MAOB: variants seen among roughly 807,000 people sequenced by gnomAD.
MAOB encodes amine oxidase [flavin-containing] B.
MAOB carries 15 observed loss-of-function variants against 41.9 expected under a neutral mutation model. The observed-to-expected ratio is 0.36, with a 90% CI of 0.24 to 0.55. The LOEUF is 0.55. Among genes scored for constraint, MAOB ranks in the 20% least tolerant of loss-of-function variants. The pLI is 0.86. For synonymous variants in MAOB, 167 were observed against 144.2 expected (o/e 1.16, Z -1.13); for missense variants, 345 against 398.7 (o/e 0.87, Z 1.15).
intron 3 of MAOB, among the ~76,000 whole-genome samples, chrX:43,811,020 A>G (rs2034739927): frequency 8.9e-6 from 1 of 112,193 alleles, no homozygotes; most frequent in South Asian, 3.7e-4. Flanking sequence ...TTTTTAAAGC[A>G]GACTTTCTGA....
chrX:43,815,579 G>C (rs1456460549), intron 3 of MAOB, among the ~76,000 whole-genome samples: 2 of 111,925 alleles, frequency 1.8e-5, no homozygotes, highest in Non-Finnish European at 3.8e-5. Flanking sequence ...CTGAAAATTT[G>C]TTGCAAACCA....
chrX:43,832,988 T>C (rs1046552960), intron 3 of MAOB, among the ~76,000 whole-genome samples: 47 of 110,805 alleles, frequency 4.2e-4, no homozygotes, highest in African/African-American at 1.5e-3. Flanking sequence ...AGAGTATAAG[T>C]TTGGCAAGAA....
chrX:43,829,493 G>C (rs1468807921), intron 3 of MAOB, among the ~76,000 whole-genome samples: 1 of 112,214 alleles, frequency 8.9e-6, no homozygotes, highest in Non-Finnish European at 1.9e-5. Context: ...AGTGTTCAAA[G>C]CATTCTCTTA....
chrX:43,852,910 ACCATGAAGGCAAGGAAGAGGTT>A (rs2147171806), intron 1 of MAOB, among the ~76,000 whole-genome samples: 1 of 111,641 alleles, frequency 9.0e-6, no homozygotes, highest in East Asian at 2.8e-4. Flanking sequence ...CAGAAGAGGC[ACCATGAAGGCAAGGAAGAGGTT>A]AACTACAGAT....
chrX:43,857,616 C>G (rs1294713652), intron 1 of MAOB, among the ~76,000 whole-genome samples: 2 of 111,565 alleles, frequency 1.8e-5, no homozygotes, highest in African/African-American at 6.5e-5. Flanking sequence ...AAAGACCCTG[C>G]CAATATGGCT....
chrX:43,781,528 C>A lies in MAOB; in HGVS notation c.945G>T (p.Met315Ile). Residue 315 changes from methionine (M) to isoleucine (I), a missense_variant, in exon 9 of 15, where the codon ATG becomes ATT. Transcript: ENST00000378069. ...FWRKKDYCGT[M>I]IIDGEEAPVA... The stretch of plus-strand genomic sequence containing the variant: ...CTGGAGCTTCTTCTCCATCAATAAT[C>A]ATGGTTCCACAGTAATCTTAGAGAA... The A allele has an allele frequency of 2.6e-6, 3 of 1,173,865 alleles. No individual in the cohort carries two copies. The highest frequency in any genetic ancestry group is 3.5e-6 in the Non-Finnish European group (3 of 864,813).
At chrX:43,829,221 GAA>G (rs1301123254) in intron 3 of MAOB, among the ~76,000 whole-genome samples, 1 of 112,213 alleles carries the variant, frequency 8.9e-6, no homozygotes, top group Non-Finnish European at 1.9e-5. Context: ...GCTAAAAGAT[GAA>G]AAGAGTAAAT....
At chrX:43,821,528 A>T (rs974416875) in intron 3 of MAOB, among the ~76,000 whole-genome samples, 1 of 111,768 alleles carries the variant, frequency 8.9e-6, no homozygotes, top group African/African-American at 3.3e-5. Flanking sequence ...GTATAAAGTA[A>T]TGAGAAGATG....
intron 5 of MAOB, among the ~76,000 whole-genome samples, chrX:43,801,029 T>C (rs935869632): frequency 1.8e-5 from 2 of 110,162 alleles, no homozygotes; most frequent in African/African-American, 6.6e-5. Flanking sequence ...ACTATTGGGC[T>C]TTCAGATCCT....
chrX:43,774,507 G>T (rs926974891), intron 12 of MAOB, among the ~76,000 whole-genome samples: 1 of 111,673 alleles, frequency 9.0e-6, no homozygotes, highest in Non-Finnish European at 1.9e-5. Flanking sequence ...ACTGATTATT[G>T]CTCACTTTTC....
chrX:43,807,398 A>T (rs895848808), intron 3 of MAOB, among the ~76,000 whole-genome samples: 1 of 112,290 alleles, frequency 8.9e-6, no homozygotes, highest in Non-Finnish European at 1.9e-5. Flanking sequence ...GATTAGCATA[A>T]ACAGTTGGGT....
At position 43,781,554 on chromosome X, in the gene MAOB, C is replaced by G. The variant is rs780315446; in HGVS notation, c.929-10G>C. On this transcript the variant is annotated splice_polypyrimidine_tract_variant and intron_variant, in intron 8 of 14. Coordinates refer to ENST00000378069, the MANE Select transcript of MAOB (RefSeq NM_000898.5). Reference sequence around the variant, plus strand: ...ATGGTTCCACAGTAATCTTAGAGAACAGCAAAATGGAAGAGCATATTCATC... The same window carrying G: ...ATGGTTCCACAGTAATCTTAGAGAAGAGCAAAATGGAAGAGCATATTCATC... The G allele has an allele frequency of 9.1e-6, 9 of 992,844 alleles. No individual in the cohort carries two copies. In the Admixed American group the frequency reaches 1.2e-4, roughly 13 times the overall value. The allele number at this position is 992,844 out of a possible 1,213,427, so 81.8% of individuals were successfully genotyped here.
chrX:43,870,408 C>CT (rs11431011), intron 1 of MAOB, among the ~76,000 whole-genome samples: 4,741 of 111,202 alleles, frequency 0.043, 188 homozygotes, highest in South Asian at 0.16. Context: ...TTCACCCTTA[C>CT]TTGGGGGCTC....
Position 43,817,431 on chromosome X carries a change from C to T in MAOB, c.280-14027G>A, listed in dbSNP as rs747309513. Among the ~76,000 whole-genome samples the T allele has an allele frequency of 4.5e-5, 5 of 111,325 alleles. No individual in the cohort carries two copies. In the South Asian group the frequency reaches 1.9e-3, roughly 43 times the overall value. ...CACTTCTCATCTCCTTGACTGTTACCTCCCTGCTCCAAGCCACTGTCAGTT... is the reference window on the plus strand; with the variant it reads ...CACTTCTCATCTCCTTGACTGTTACTTCCCTGCTCCAAGCCACTGTCAGTT... On this transcript the variant is annotated intron_variant, in intron 3 of 14. Transcript: ENST00000378069.
At chrX:43,768,495 C>T (rs980075772) in intron 14 of MAOB, among the ~76,000 whole-genome samples, 159 bp downstream of exon 14, 40 of 111,959 alleles carry the variant, frequency 3.6e-4, no homozygotes, top group African/African-American at 1.1e-3. Flanking sequence ...AATCTCTCAC[C>T]TCTACCCTAA....
chrX:43,847,140 T>A (rs1345841741), intron 1 of MAOB, among the ~76,000 whole-genome samples: 1 of 111,532 alleles, frequency 9.0e-6, no homozygotes, highest in Non-Finnish European at 1.9e-5. Context: ...GGTCAGGAGT[T>A]CAAGACCAGC....
rs193052233 is a variant in MAOB, at chrX:43,823,086, A to G, written c.279+15782T>C. 3.0e-3 allele frequency among the ~76,000 whole-genome samples: 330 copies of G among 109,537 alleles called. 1 individual carries two copies. The highest frequency in any genetic ancestry group is 0.01 in the African/African-American group (308 of 30,177). On this transcript the variant is annotated intron_variant, in intron 3 of 14. Coordinates refer to ENST00000378069, the MANE Select transcript of MAOB (RefSeq NM_000898.5). The stretch of plus-strand genomic sequence containing the variant: ...GAAACTTGCCTCAAATCACACAGCT[A>G]GTAAATAGCGAGTTCAGAATTCAAA...
rs2034329580 is a variant in MAOB, at chrX:43,781,354, A to C, written c.1025+94T>G. On this transcript the variant is annotated intron_variant, in intron 9 of 14. Transcript: ENST00000378069. The stretch of plus-strand genomic sequence containing the variant: ...AAATAATACCACTGGGTAAAAAAAA[A>C]ATCACTTAACAAAGTTTGGGGCACA... 3 of 445,718 alleles carry C rather than the reference A, an allele frequency of 6.7e-6. No individual in the cohort carries two copies. In the African/African-American group the frequency reaches 7.5e-5, roughly 11 times the overall value. 36.7% of individuals were successfully genotyped at this position (445,718 alleles called of 1,213,427 possible).
chrX:43,819,431 A>G (rs2034856638), intron 3 of MAOB, among the ~76,000 whole-genome samples: 1 of 111,363 alleles, frequency 9.0e-6, no homozygotes, highest in Non-Finnish European at 1.9e-5. Context: ...CATCTTCAGA[A>G]TCCCTTGTCA....
Sources: gnomAD v4.1 joint callset for allele counts (sites outside exome capture counted in the v4.1 genomes callset) on GRCh38, gnomAD v4.1.1 for gene constraint, MANE v1.5 for transcripts, NCBI Gene and HGNC (gene_info 2026-07-23, HGNC 2026-07-21) for gene names.